EIF3K: variants seen among roughly 807,000 people sequenced by gnomAD.
EIF3K encodes eukaryotic translation initiation factor 3 subunit K.
EIF3K carries 27 observed loss-of-function variants against 34.2 expected under a neutral mutation model. The observed-to-expected ratio is 0.79, with a 90% CI of 0.58 to 1.09. EIF3K has a LOEUF of 1.09. Ranked by LOEUF, EIF3K falls within the 50% of genes least tolerant of loss-of-function variation. The probability of loss-of-function intolerance (pLI) is 0.00; values close to 1 mark genes in which losing one functional copy is unlikely to be tolerated. For missense variants in EIF3K, 232 were observed against 275.4 expected, an observed-to-expected ratio of 0.84 and a Z score of 1.11; for synonymous variants, 105 against 105.7, an observed-to-expected ratio of 0.99 and a Z score of 0.04.
intron 4 of EIF3K, among the ~76,000 whole-genome samples, chr19:38,631,776 C>T (rs536923979): frequency 2.6e-5 from 4 of 152,340 alleles, no homozygotes; most frequent in African/African-American, 9.6e-5. Context: ...CAATACCTGG[C>T]TTTCCTAGGC....
intron 4 of EIF3K, among the ~76,000 whole-genome samples, chr19:38,629,306 GTTTTTT>G (rs1976012887): frequency 6.7e-6 from 1 of 149,446 alleles, no homozygotes; most frequent in Non-Finnish European, 1.5e-5. Context: ...GTTTTGTTTT[GTTTTTT>G]GAGACAGGGT....
rs1467007600 is a variant in EIF3K, at chr19:38,620,354, T to C, written c.77T>C (p.Leu26Pro). 6.2e-7 allele frequency: 1 copy of C among 1,614,022 alleles called. No homozygotes were observed. The highest frequency in any genetic ancestry group is 1.1e-5 in the South Asian group (1 of 91,054). Residue 26 changes from leucine (L) to proline (P), a missense_variant, in exon 2 of 8, where the codon CTG becomes CCG. By Grantham distance (98) the Leu-to-Pro change is moderately conservative. Transcript: ENST00000248342. ...KGIDRYNPEN[L>P]ATLERYVETQ... ...TCCTTTAGGTACAATCCTGAGAACC[T>C]GGCCACCCTGGAGCGCTATGTAGAG...
chr19:38,623,328 C>T (rs1414170939), intron 2 of EIF3K, among the ~76,000 whole-genome samples: 1 of 152,206 alleles, frequency 6.6e-6, no homozygotes, highest in Non-Finnish European at 1.5e-5. Context: ...ACCACCATAC[C>T]CAGCTAATTT....
intron 6 of EIF3K, among the ~76,000 whole-genome samples, chr19:38,634,746 T>G (rs1976151825): frequency 1.3e-5 from 2 of 152,094 alleles, no homozygotes; most frequent in South Asian, 4.1e-4. Flanking sequence ...GGAATAGAAA[T>G]TAAGGCAGAA....
intron 6 of EIF3K, among the ~76,000 whole-genome samples, chr19:38,634,285 T>A (rs1165664121): frequency 7.5e-6 from 1 of 133,962 alleles, no homozygotes; most frequent in Non-Finnish European, 1.6e-5. Flanking sequence ...TTTTTTTTTT[T>A]AGCAGAGATG....
At position 38,627,905 on chromosome 19, in the gene EIF3K, C is replaced by CTTTTT. The variant is rs60551864; in HGVS notation, c.354+1812_354+1816dup. 7.8e-5 allele frequency among the ~76,000 whole-genome samples: 11 copies of CTTTTT among 140,264 alleles called. 1 individual carries two copies. Among genetic ancestry groups the CTTTTT allele is most frequent in the African/African-American group, 1.3e-4 (5 of 37,216 alleles). 92.0% of individuals were successfully genotyped at this position (140,264 alleles called of 152,430 possible). A position where few individuals can be genotyped will look rare whatever the true frequency, so the allele number is the denominator to read the frequency against. ...ACCTCTGAGGCATTTATTTTCTTTC[C>CTTTTT]TTTTTTTTTTTTTGTTTGAGACCAT... is the stretch of plus-strand genomic sequence containing the variant. On this transcript the variant is annotated intron_variant, in intron 4 of 7. Coordinates refer to ENST00000248342, the MANE Select transcript of EIF3K (RefSeq NM_013234.4).
rs1568659101 is a variant in EIF3K at position 38,635,250 on chromosome 19, C to T, written c.625+132C>T. On this transcript the variant is annotated intron_variant, in intron 7 of 7. Transcript: ENST00000248342. The stretch of plus-strand genomic sequence containing the variant: ...CTGGGAAGTCTGCACCTGCCAGATT[C>T]CATTCACCTTGTGTCTTGGGGCTCC... 4 of 1,319,284 alleles carry T rather than the reference C, an allele frequency of 3.0e-6. No homozygotes were observed. In the South Asian group the frequency reaches 3.8e-5, roughly 13 times the overall value. The allele number at this position is 1,319,284 out of a possible 1,614,324, so 81.7% of individuals were successfully genotyped here. A position where few individuals can be genotyped will look rare whatever the true frequency, so the allele number is the denominator to read the frequency against.
intron 6 of EIF3K, among the ~76,000 whole-genome samples, chr19:38,634,356 T>C (rs1367769739): frequency 2.0e-5 from 3 of 149,776 alleles, no homozygotes; most frequent in Non-Finnish European, 4.4e-5. Flanking sequence ...CCCAGCACTT[T>C]GGGAGGCCAA....
chr19:38,620,230 T>C, intron 1 of EIF3K, 107 bp from the exon 2 acceptor site: 1 of 860,858 alleles, frequency 1.2e-6, no homozygotes, highest in Non-Finnish European at 1.9e-6. Flanking sequence ...GTGCCAGATT[T>C]AGAGGGGAAG....
rs1163785705 is a variant in EIF3K, at chr19:38,625,984, C to T, written c.280-44C>T. 4 of 1,596,586 alleles carry T rather than the reference C, an allele frequency of 2.5e-6. No individual in the cohort carries two copies. The South Asian group carries it at 3.3e-5, about 13-fold the overall frequency. On this transcript the variant is annotated intron_variant, in intron 3 of 7. Coordinates refer to ENST00000248342, the MANE Select transcript of EIF3K (RefSeq NM_013234.4). Reference sequence around the variant, plus strand: ...GGGGAGGGGTGATCTGGGGTCCAACCTTACGCTCCGAGGCCAGTTTTCCTT... The same window carrying T: ...GGGGAGGGGTGATCTGGGGTCCAACTTTACGCTCCGAGGCCAGTTTTCCTT...
At chr19:38,636,861 C>A in intron 7 of EIF3K, 28 bp from the exon 8 acceptor site, 1 of 1,614,170 alleles carries the variant, frequency 6.2e-7, no homozygotes, top group Non-Finnish European at 8.5e-7. Context: ...CCCTTCTCAC[C>A]TTCAGTCTGG....
intron 7 of EIF3K, among the ~76,000 whole-genome samples, chr19:38,636,256 G>A (rs1229853669): frequency 6.6e-6 from 1 of 152,192 alleles, no homozygotes; most frequent in Non-Finnish European, 1.5e-5. Context: ...AGGAAGGTGT[G>A]AATCTCAGGG....
chr19:38,636,656 TA>T (rs2144787473), intron 7 of EIF3K, among the ~76,000 whole-genome samples: 1 of 152,308 alleles, frequency 6.6e-6, no homozygotes, highest in Admixed American at 6.5e-5. Flanking sequence ...AGATGTTCAG[TA>T]ACTTGTCCAA....
intron 7 of EIF3K, chr19:38,635,600 C>G (rs1469779680): frequency 1.1e-5 from 2 of 179,094 alleles, no homozygotes; most frequent in African/African-American, 4.7e-5. Flanking sequence ...CTGTGTAGGT[C>G]CTTACACTTA....
chr19:38,633,524 C>T (rs1976116854), intron 6 of EIF3K, among the ~76,000 whole-genome samples: 1 of 151,866 alleles, frequency 6.6e-6, no homozygotes, highest in Admixed American at 6.6e-5. Context: ...ATGGTAAAAC[C>T]CCCTCTCTAC....
At position 38,632,642 on chromosome 19, in the gene EIF3K, C is replaced by T. The variant is rs371972989; in HGVS notation, c.463C>T (p.Arg155Cys). 169 of 1,613,666 alleles carry T rather than the reference C, an allele frequency of 1.0e-4. No homozygotes were observed. The highest frequency in any genetic ancestry group is 1.4e-4 in the Non-Finnish European group (160 of 1,179,868). The change falls in exon 6 of 8, where the codon CGC (arginine) becomes TGC (cysteine). Residue 155 changes from arginine (R) to cysteine (C), a missense_variant. By Grantham distance (180) the Arg-to-Cys change is radical (BLOSUM62 -3). Transcript: ENST00000248342. The stretch of plus-strand genomic sequence containing the variant: ...GGGTATCACTTACCAGCACATTGAC[C>T]GCTGGCTGCTGGCCGAGATGCTCGG... Reference protein sequence around the residue: ...VVGITYQHIDRWLLAEMLGDL... With the variant: ...VVGITYQHIDCWLLAEMLGDL...
Position 38,629,210 on chromosome 19 carries a change from ATG to A in EIF3K, c.354+3112_354+3113del, listed in dbSNP as rs1415240872. The stretch of plus-strand genomic sequence containing the variant: ...TCTCACTAGCAAACTAGCAAATGAG[ATG>A]TGTTGGAGATCTTAGACCTATTCCA... On this transcript the variant is annotated intron_variant, in intron 4 of 7. Coordinates refer to ENST00000248342, the MANE Select transcript of EIF3K (RefSeq NM_013234.4). 3.3e-5 allele frequency among the ~76,000 whole-genome samples: 5 copies of A among 152,330 alleles called. No homozygotes were observed. The East Asian group carries it at 9.6e-4, about 29-fold the overall frequency.
chr19:38,626,391 C>T, intron 4 of EIF3K: 1 of 381,382 alleles, frequency 2.6e-6, no homozygotes, highest in East Asian at 4.4e-5. Context: ...TAGTGACTCA[C>T]CCCCGTGATT....
At chr19:38,630,381 G>A (rs1976039214) in intron 4 of EIF3K, among the ~76,000 whole-genome samples, 1 of 145,410 alleles carries the variant, frequency 6.9e-6, no homozygotes, top group African/African-American at 2.5e-5. Flanking sequence ...GTCTCGCGCT[G>A]TCGCCCAGGC....
Sources: gnomAD v4.1 joint callset for allele counts (sites outside exome capture counted in the v4.1 genomes callset) on GRCh38, gnomAD v4.1.1 for gene constraint, MANE v1.5 for transcripts, NCBI Gene and HGNC (gene_info 2026-07-23, HGNC 2026-07-21) for gene names.